Variants in KLHL32 observed in about 807,000 individuals in gnomAD.
KLHL32 encodes the protein kelch-like protein 32.
KLHL32 carries 35 observed loss-of-function variants against 64.8 expected under a neutral mutation model. The observed-to-expected ratio is 0.54, with a 90% confidence interval of 0.41 to 0.72. KLHL32 has a LOEUF of 0.72. KLHL32 is among the 30% of genes least tolerant of loss of function. The pLI, the probability that KLHL32 is intolerant of heterozygous loss-of-function variation, is 0.00. For synonymous variants in KLHL32, 259 were observed against 281.0 expected (o/e 0.92, Z 0.78); for missense variants, 589 against 768.5 (o/e 0.77, Z 2.76).
At chr6:97,063,091 T>C (rs749106842) in intron 4 of KLHL32, among the ~76,000 whole-genome samples, 2 of 152,210 alleles carry the variant, frequency 1.3e-5, no homozygotes, top group Non-Finnish European at 2.9e-5. Context: ...AACAGTGACA[T>C]GATTTCATTT....
intron 3 of KLHL32, among the ~76,000 whole-genome samples, chr6:96,986,982 C>T (rs1447806636): frequency 6.6e-6 from 1 of 152,236 alleles, no homozygotes; most frequent in Non-Finnish European, 1.5e-5. Flanking sequence ...GAGCTGTAGA[C>T]TGGAGCTGTT....
chr6:97,042,662 T>C (rs1241643869), intron 4 of KLHL32, among the ~76,000 whole-genome samples: 3 of 152,216 alleles, frequency 2.0e-5, no homozygotes, highest in African/African-American at 7.2e-5. Context: ...TGCACTCTTC[T>C]AGCAATGTTG....
At chr6:97,026,815 T>C (rs192647397) in intron 3 of KLHL32, among the ~76,000 whole-genome samples, 208 of 152,288 alleles carry the variant, frequency 1.4e-3, no homozygotes, top group African/African-American at 4.3e-3. Context: ...AAGTGATAAC[T>C]GAGGAAATTC....
the KLHL32 span, among the ~76,000 whole-genome samples, chr6:96,908,279 GTT>G: frequency 6.6e-6 from 1 of 152,198 alleles, no homozygotes; most frequent in African/African-American, 2.4e-5. Flanking sequence ...ACAAGCTGAT[GTT>G]AATTAACATC....
intron 9 of KLHL32, among the ~76,000 whole-genome samples, chr6:97,132,396 C>G (rs984603477): frequency 6.6e-6 from 1 of 152,168 alleles, no homozygotes; most frequent in Non-Finnish European, 1.5e-5. Flanking sequence ...CTTACTATTG[C>G]TGTATTTAAT....
At chr6:97,099,291 G>A (rs988752391) in intron 6 of KLHL32, among the ~76,000 whole-genome samples, 2 of 152,216 alleles carry the variant, frequency 1.3e-5, no homozygotes, top group Admixed American at 1.3e-4. Context: ...TTGCCTGCCT[G>A]TGCTGGCCAT....
Position 97,062,937 on chromosome 6 carries a change from A to C in KLHL32, c.313-1691A>C, listed in dbSNP as rs573495698. On this transcript the variant is annotated intron_variant, in intron 4 of 10. Transcript: ENST00000369261. Reference sequence around the variant, plus strand: ...TCAGGTAAGACGTTATCTGAAGTATATGAGGGAGTGGCCCAGGCAGAGCAA... The same window carrying C: ...TCAGGTAAGACGTTATCTGAAGTATCTGAGGGAGTGGCCCAGGCAGAGCAA... Among the ~76,000 whole-genome samples the C allele has an allele frequency of 1.4e-4, 22 of 152,318 alleles. No homozygotes were observed. In the East Asian group the frequency reaches 3.1e-3, roughly 21 times the overall value.
At chr6:97,007,612 C>T (rs1284569401) in intron 3 of KLHL32, among the ~76,000 whole-genome samples, 1 of 152,164 alleles carries the variant, frequency 6.6e-6, no homozygotes, top group Admixed American at 6.5e-5. Flanking sequence ...TGTGTATGGG[C>T]TGATGTTTCT....
At chr6:97,097,079 A>T (rs1795087129) in intron 6 of KLHL32, among the ~76,000 whole-genome samples, 1 of 152,196 alleles carries the variant, frequency 6.6e-6, no homozygotes. Flanking sequence ...CAGAACTCAT[A>T]ATAAGTCAAA....
intron 1 of KLHL32, among the ~76,000 whole-genome samples, chr6:96,929,780 C>T (rs1039844691): frequency 5.3e-5 from 8 of 152,018 alleles, no homozygotes; most frequent in Admixed American, 2.0e-4. Flanking sequence ...GATTTTTAAA[C>T]GAACTATGTA....
intron 4 of KLHL32, among the ~76,000 whole-genome samples, chr6:97,056,068 A>C (rs1787814558): frequency 1.3e-5 from 2 of 148,864 alleles, no homozygotes; most frequent in African/African-American, 5.0e-5. Context: ...TTCGTGCAGC[A>C]TAGCCAGCCT....
At chr6:97,061,962 G>A (rs562187503) in intron 4 of KLHL32, among the ~76,000 whole-genome samples, 14 of 152,332 alleles carry the variant, frequency 9.2e-5, no homozygotes, top group African/African-American at 3.1e-4. Context: ...AGTGAGAACA[G>A]CTGTCCTGGT....
At chr6:96,929,874 C>T (rs1769632545) in intron 1 of KLHL32, among the ~76,000 whole-genome samples, 1 of 152,136 alleles carries the variant, frequency 6.6e-6, no homozygotes, top group Non-Finnish European at 1.5e-5. Context: ...GTAAATTTGT[C>T]TAAAATAGCT....
chr6:96,934,303 A>G (rs909884910), intron 1 of KLHL32, among the ~76,000 whole-genome samples: 4 of 152,228 alleles, frequency 2.6e-5, no homozygotes, highest in Non-Finnish European at 4.4e-5. Context: ...AGAAACTCCC[A>G]TTGAGTAATT....
upstream of KLHL32, among the ~76,000 whole-genome samples, chr6:96,923,163 T>A (rs1037823019): frequency 6.6e-6 from 1 of 152,214 alleles, no homozygotes; most frequent in Admixed American, 6.5e-5. Context: ...TTAATTATAC[T>A]AAATAAATAG....
intron 6 of KLHL32, among the ~76,000 whole-genome samples, chr6:97,094,964 A>T (rs1043751444): frequency 6.6e-6 from 1 of 152,130 alleles, no homozygotes; most frequent in African/African-American, 2.4e-5. Flanking sequence ...TTTTAGGAGG[A>T]CCTATCTTAT....
the KLHL32 span, among the ~76,000 whole-genome samples, chr6:96,902,770 T>G: frequency 9.8e-4 from 149 of 152,298 alleles, no homozygotes; most frequent in African/African-American, 3.4e-3. Flanking sequence ...CTGTGTATGG[T>G]GTAAGGAAGG....
chr6:97,005,302 A>C lies in KLHL32; in HGVS notation c.204+29125A>C, dbSNP rs186862559. Among the ~76,000 whole-genome samples, 357 of 152,066 alleles carry C rather than the reference A, an allele frequency of 2.3e-3. 2 individuals carry two copies. Among genetic ancestry groups the C allele is most frequent in the Non-Finnish European group, 3.3e-3 (226 of 67,984 alleles). On this transcript the variant is annotated intron_variant, in intron 3 of 10. Transcript: ENST00000369261. ...ATAATAGTCTCTGAGGGTATTTTGCATATCTGTGGGGTCAGTGGTAATGTC... is the reference window on the plus strand; with the variant it reads ...ATAATAGTCTCTGAGGGTATTTTGCCTATCTGTGGGGTCAGTGGTAATGTC...
intron 1 of KLHL32, among the ~76,000 whole-genome samples, chr6:96,943,095 CACAT>C (rs1319196841): frequency 2.0e-5 from 3 of 151,490 alleles, no homozygotes; most frequent in Non-Finnish European, 4.4e-5. Flanking sequence ...CACATATATG[CACAT>C]ACATATACAC....
Sources: gnomAD v4.1 joint callset for allele counts (sites outside exome capture counted in the v4.1 genomes callset) on GRCh38, gnomAD v4.1.1 for gene constraint, MANE v1.5 for transcripts, NCBI Gene and HGNC (gene_info 2026-07-23, HGNC 2026-07-21) for gene names.